The following SGIP1 variants were observed in gnomAD, a reference collection of about 807,000 sequenced individuals.
The protein encoded by SGIP1 is SH3-containing GRB2-like protein 3-interacting protein 1.
Under a neutral mutation model 107.5 loss-of-function variants are expected in SGIP1, and 38 were observed. The observed-to-expected ratio is 0.35, with a 90% CI of 0.27 to 0.46. SGIP1 has a LOEUF of 0.46. Ranked by LOEUF, SGIP1 falls within the 20% of genes least tolerant of loss-of-function variation. SGIP1 has a pLI of 1.00. For synonymous variants in SGIP1, 365 were observed against 366.1 expected (o/e 1.00, Z 0.03); for missense variants, 929 against 1,019.5 (o/e 0.91, Z 1.21).
chr1:66,561,416 G>A (rs888505721), intron 1 of SGIP1, among the ~76,000 whole-genome samples: 1 of 151,950 alleles, frequency 6.6e-6, no homozygotes, highest in African/African-American at 2.4e-5. Flanking sequence ...TGGTCAATAA[G>A]CATGGTAAAA....
At chr1:66,641,884 C>A (rs1373899533) in intron 5 of SGIP1, among the ~76,000 whole-genome samples, 2 of 152,146 alleles carry the variant, frequency 1.3e-5, no homozygotes, top group African/African-American at 2.4e-5. Flanking sequence ...TGCTTTTTCT[C>A]CTATGGCTGA....
intron 4 of SGIP1, among the ~76,000 whole-genome samples, chr1:66,637,683 T>C (rs1256591138): frequency 6.6e-6 from 1 of 151,768 alleles, no homozygotes; most frequent in Non-Finnish European, 1.5e-5. Flanking sequence ...AACTCAGCTT[T>C]CTTTCTACAG....
chr1:66,746,141 TC>T lies in SGIP1; in HGVS notation c.*3047del, dbSNP rs1368472566. 6.6e-6 allele frequency: 1 copy of T among 152,192 alleles called. No homozygotes were observed. Among genetic ancestry groups the T allele is most frequent in the African/African-American group, 2.4e-5 (1 of 41,466 alleles). The allele number at this position is 152,192 out of a possible 1,614,324, so 9.4% of individuals were successfully genotyped here. On this transcript the variant is annotated 3_prime_UTR_variant, in exon 25 of 25. Coordinates refer to ENST00000371037, the MANE Select transcript of SGIP1 (RefSeq NM_032291.4). ...AGCTATAATTACAAGTATTTCCACTTCTAAATCTTCTTTTAGAAAAGCAGAT... is the reference window on the plus strand; with the variant it reads ...AGCTATAATTACAAGTATTTCCACTTTAAATCTTCTTTTAGAAAAGCAGAT...
chr1:66,628,892 A>C (rs904606738), intron 2 of SGIP1, among the ~76,000 whole-genome samples: 1 of 152,180 alleles, frequency 6.6e-6, no homozygotes, highest in Non-Finnish European at 1.5e-5. Flanking sequence ...GTGATAGCAA[A>C]ATAGCTGAAG....
At chr1:66,704,142 A>G (rs1282495043) in intron 18 of SGIP1, 1 of 151,986 alleles carries the variant, frequency 6.6e-6, no homozygotes, top group Admixed American at 6.6e-5. Context: ...TGCTTGTAAC[A>G]TGGCTGTGTT....
rs546372831 is a variant in SGIP1 at position 66,748,443 on chromosome 1, C to T, written c.*5348C>T. ...GTCTGTTGAGTTGACCATGGTGAAC[C>T]TCTTGATTGGCCCTCACATTTAATA... On this transcript the variant is annotated 3_prime_UTR_variant, in exon 25 of 25. Transcript: ENST00000371037. The T allele has an allele frequency of 2.6e-5, 4 of 152,002 alleles. No homozygotes were observed. Among genetic ancestry groups the T allele is most frequent in the South Asian group, 2.1e-4 (1 of 4,818 alleles). 9.4% of individuals were successfully genotyped at this position (152,002 alleles called of 1,614,324 possible).
At chr1:66,601,700 A>G (rs1391529091) in intron 1 of SGIP1, among the ~76,000 whole-genome samples, 1 of 152,224 alleles carries the variant, frequency 6.6e-6, no homozygotes, top group Non-Finnish European at 1.5e-5. Flanking sequence ...TATAAAAATC[A>G]AAAGTGAAGT....
rs768017461 is a variant in SGIP1, at chr1:66,739,551, T to C, written c.2234+14T>C. ...ACCAGCAGTCTGGTATGAAGCCTCCTATTCTCTCCACCAAAGGGCTCCTCT... is the reference window on the plus strand; with the variant it reads ...ACCAGCAGTCTGGTATGAAGCCTCCCATTCTCTCCACCAAAGGGCTCCTCT... On this transcript the variant is annotated intron_variant, in intron 22 of 24. Coordinates refer to ENST00000371037, the MANE Select transcript of SGIP1 (RefSeq NM_032291.4). 6.2e-7 allele frequency: 1 copy of C among 1,612,938 alleles called. No individual in the cohort carries two copies. The highest frequency in any genetic ancestry group is 1.1e-5 in the South Asian group (1 of 91,000).
intron 19 of SGIP1, among the ~76,000 whole-genome samples, chr1:66,722,751 G>A (rs1490704447): frequency 1.3e-5 from 2 of 152,034 alleles, no homozygotes; most frequent in Non-Finnish European, 2.9e-5. Flanking sequence ...CTGTCCCATC[G>A]GCCTGTCACA....
chr1:66,588,119 G>C (rs547462595), intron 1 of SGIP1, among the ~76,000 whole-genome samples: 1 of 152,228 alleles, frequency 6.6e-6, no homozygotes, highest in East Asian at 1.9e-4. Context: ...TTGTTATTTA[G>C]ACCCTCTTTG....
chr1:66,572,951 G>T (rs11799970), intron 1 of SGIP1, among the ~76,000 whole-genome samples: 26,115 of 152,032 alleles, frequency 0.17, 2,676 homozygotes, highest in East Asian at 0.45. Flanking sequence ...TGAAAGGACC[G>T]AGTCAGAAAA....
intron 19 of SGIP1, among the ~76,000 whole-genome samples, chr1:66,724,305 A>G (rs2093662797): frequency 1.3e-5 from 2 of 152,234 alleles, no homozygotes; most frequent in Non-Finnish European, 2.9e-5. Context: ...TTATTCATGA[A>G]GTAAGCATCT....
At chr1:66,627,347 A>T (rs2073099724) in intron 2 of SGIP1, among the ~76,000 whole-genome samples, 1 of 152,162 alleles carries the variant, frequency 6.6e-6, no homozygotes, top group South Asian at 2.1e-4. Flanking sequence ...GAAAGGTAGT[A>T]AAGTCCACTA....
At chr1:66,589,188 AT>A in intron 1 of SGIP1, among the ~76,000 whole-genome samples, 1 of 66,964 alleles carries the variant, frequency 1.5e-5, no homozygotes, top group African/African-American at 6.9e-5. Context: ...ATATATATAT[AT>A]ATATATATAT....
In SGIP1 at chr1:66,596,599, AC is replaced by A. The variant is rs1418060388; in HGVS notation, c.11-29247del. Among the ~76,000 whole-genome samples the A allele has an allele frequency of 2.6e-5, 4 of 151,522 alleles. No individual in the cohort carries two copies. The South Asian group carries it at 6.3e-4, about 24-fold the overall frequency. On this transcript the variant is annotated intron_variant, in intron 1 of 24. Transcript: ENST00000371037. ...GTTCTCAATCTGGTCCAAGGATTTA[AC>A]TTTCAGGCTTTAAACTGTCTTCTGC...
chr1:66,709,965 A>G (rs1383095192), intron 18 of SGIP1, among the ~76,000 whole-genome samples: 1 of 151,962 alleles, frequency 6.6e-6, no homozygotes, highest in Non-Finnish European at 1.5e-5. Context: ...GCATGCACAC[A>G]CACAATTTAC....
intron 21 of SGIP1, among the ~76,000 whole-genome samples, chr1:66,735,106 AC>A (rs201224913): frequency 0.01 from 1,540 of 150,624 alleles, 9 homozygotes; most frequent in Admixed American, 0.022. Context: ...CTCTAAACAA[AC>A]CCCCACCCCA....
At chr1:66,667,238 A>T (rs2082774392) in intron 8 of SGIP1, among the ~76,000 whole-genome samples, 2 of 152,168 alleles carry the variant, frequency 1.3e-5, no homozygotes, top group South Asian at 4.1e-4. Context: ...CATTGTCAGT[A>T]AAGTTTTCTT....
intron 1 of SGIP1, among the ~76,000 whole-genome samples, chr1:66,578,624 G>A (rs1323369821): frequency 1.3e-5 from 2 of 152,148 alleles, no homozygotes; most frequent in Non-Finnish European, 2.9e-5. Context: ...GCTTCAAACA[G>A]TACATATCCT....
Sources: gnomAD v4.1 joint callset for allele counts (sites outside exome capture counted in the v4.1 genomes callset) on GRCh38, gnomAD v4.1.1 for gene constraint, MANE v1.5 for transcripts, NCBI Gene and HGNC (gene_info 2026-07-23, HGNC 2026-07-21) for gene names.